Variants in DCAF8L2 observed in about 807,000 individuals in gnomAD.
The protein encoded by DCAF8L2 is DDB1- and CUL4-associated factor 8-like protein 2.
For missense variants in DCAF8L2, 430 were observed against 490.7 expected (o/e 0.88, Z 1.17); for synonymous variants, 200 against 190.9 (o/e 1.05, Z -0.39).
intron 2 of DCAF8L2, among the ~76,000 whole-genome samples, chrX:27,645,340 C>T (rs1391590709): frequency 3.6e-5 from 4 of 111,431 alleles, no homozygotes; most frequent in African/African-American, 9.8e-5. Flanking sequence ...TCTCAATAGA[C>T]GCAGAAAAGG....
intron 1 of DCAF8L2, among the ~76,000 whole-genome samples, chrX:27,605,179 G>T (rs1463074180): frequency 1.8e-5 from 2 of 110,831 alleles, no homozygotes; most frequent in African/African-American, 6.6e-5. Context: ...TGCACATAAA[G>T]ATATATAATC....
intron 1 of DCAF8L2, among the ~76,000 whole-genome samples, chrX:27,602,016 G>A: frequency 9.0e-6 from 1 of 111,729 alleles, no homozygotes; most frequent in Non-Finnish European, 1.9e-5. Context: ...AGTTGCTTAT[G>A]ACCAGATACC....
the DCAF8L2 span, among the ~76,000 whole-genome samples, chrX:27,503,777 A>G: frequency 9.0e-6 from 1 of 111,455 alleles, no homozygotes; most frequent in South Asian, 3.7e-4. Context: ...TAGCTTATCT[A>G]TTTAGCTCCA....
the DCAF8L2 span, among the ~76,000 whole-genome samples, chrX:27,479,765 T>C: frequency 8.9e-6 from 1 of 111,867 alleles, no homozygotes; most frequent in Non-Finnish European, 1.9e-5. Context: ...GCATTTTGGA[T>C]AGGAGAACAT....
intron 3 of DCAF8L2, among the ~76,000 whole-genome samples, chrX:27,686,161 T>A (rs1015196504): frequency 2.1e-4 from 23 of 111,092 alleles, no homozygotes; most frequent in Non-Finnish European, 9.4e-5. Flanking sequence ...AAAGCCATCA[T>A]GAAAAACAGC....
chrX:27,546,146 T>C, the DCAF8L2 span, among the ~76,000 whole-genome samples: 5 of 109,855 alleles, frequency 4.6e-5, no homozygotes, highest in African/African-American at 1.6e-4. Flanking sequence ...CCATTCCAAA[T>C]GGGATAATTG....
At chrX:27,579,052 C>T in the DCAF8L2 span, among the ~76,000 whole-genome samples, 3 of 111,914 alleles carry the variant, frequency 2.7e-5, no homozygotes, top group African/African-American at 9.8e-5. Context: ...AATCCCATTA[C>T]TGGGTATAAT....
intron 4 of DCAF8L2, 29 bp from the exon 5 acceptor site, chrX:27,746,809 T>C (rs1267592062): frequency 4.4e-6 from 4 of 918,585 alleles, no homozygotes; most frequent in South Asian, 5.0e-5. Flanking sequence ...CTACCATCAG[T>C]CCTAACCGCA....
At chrX:27,558,442 A>C in the DCAF8L2 span, among the ~76,000 whole-genome samples, 1 of 111,246 alleles carries the variant, frequency 9.0e-6, no homozygotes, top group African/African-American at 3.3e-5. Context: ...GGACAGCATA[A>C]CAGCCTCCAG....
At chrX:27,503,669 A>G in the DCAF8L2 span, among the ~76,000 whole-genome samples, 1 of 110,970 alleles carries the variant, frequency 9.0e-6, no homozygotes, top group African/African-American at 3.3e-5. Context: ...CTCTCTCAAT[A>G]TCATACTATA....
At chrX:27,601,124 G>A (rs1214235022) in intron 1 of DCAF8L2, among the ~76,000 whole-genome samples, 1 of 110,855 alleles carries the variant, frequency 9.0e-6, no homozygotes, top group East Asian at 2.8e-4. Context: ...TTTTTGTAGG[G>A]TCGGGGTTTC....
At chrX:27,480,386 C>T in the DCAF8L2 span, among the ~76,000 whole-genome samples, 1 of 112,166 alleles carries the variant, frequency 8.9e-6, no homozygotes, top group South Asian at 3.7e-4. Flanking sequence ...GTTTACATGA[C>T]GAAGGTTGAT....
chrX:27,581,637 G>A, the DCAF8L2 span, among the ~76,000 whole-genome samples: 1 of 106,505 alleles, frequency 9.4e-6, no homozygotes, highest in African/African-American at 3.4e-5. Context: ...AGGCTGGAGT[G>A]CAGTGGCACC....
intron 2 of DCAF8L2, among the ~76,000 whole-genome samples, chrX:27,637,534 G>C (rs1478349652): frequency 1.8e-5 from 2 of 111,953 alleles, no homozygotes; most frequent in African/African-American, 6.5e-5. Flanking sequence ...GGCATCATTC[G>C]ATTTGAGCAT....
intron 1 of DCAF8L2, among the ~76,000 whole-genome samples, chrX:27,599,801 A>C (rs1373990011): frequency 8.9e-6 from 1 of 111,964 alleles, no homozygotes; most frequent in Non-Finnish European, 1.9e-5. Flanking sequence ...ATCAAGAATT[A>C]TATGAAACAA....
At chrX:27,677,523 T>C (rs1046683858) in intron 2 of DCAF8L2, among the ~76,000 whole-genome samples, 2 of 111,295 alleles carry the variant, frequency 1.8e-5, no homozygotes, top group African/African-American at 3.3e-5. Context: ...AGAATATTGT[T>C]CACTATGGCC....
chrX:27,627,243 TC>T (rs1470601818), intron 1 of DCAF8L2: 8 of 111,574 alleles, frequency 7.2e-5, no homozygotes, highest in African/African-American at 1.3e-4. Context: ...ATTAGGCACA[TC>T]CGGCAAATGT....
intron 3 of DCAF8L2, among the ~76,000 whole-genome samples, chrX:27,701,780 T>A (rs1425573297): frequency 9.1e-6 from 1 of 110,363 alleles, no homozygotes; most frequent in Non-Finnish European, 1.9e-5. Flanking sequence ...ATCGGTAACA[T>A]AAACTTCCAC....
chrX:27,703,397 CA>C (rs1931205382), intron 3 of DCAF8L2, among the ~76,000 whole-genome samples: 1 of 110,958 alleles, frequency 9.0e-6, no homozygotes, highest in African/African-American at 3.3e-5. Flanking sequence ...TGAACAAAGA[CA>C]AAGGACACTA....
Sources: allele counts gnomAD v4.1 joint callset (sites outside exome capture counted in the v4.1 genomes callset), GRCh38; gene constraint gnomAD v4.1.1; transcripts MANE v1.5; gene names NCBI Gene and HGNC (gene_info 2026-07-23, HGNC 2026-07-21).